JAKMIP2: variants seen among roughly 807,000 people sequenced by gnomAD.
JAKMIP2 encodes the protein janus kinase and microtubule-interacting protein 2.
A neutral mutation model predicts 115.0 loss-of-function variants in JAKMIP2; 25 were observed. That is an observed-to-expected ratio of 0.22 (90% CI 0.16 to 0.30). The LOEUF (loss-of-function observed/expected upper bound fraction) is 0.30, where lower values mean the gene tolerates loss of function less well. Ranked by LOEUF, JAKMIP2 falls within the 10% of genes least tolerant of loss-of-function variation. The pLI, the probability that JAKMIP2 is intolerant of heterozygous loss-of-function variation, is 1.00. For missense variants in JAKMIP2, 642 were observed against 957.6 expected, an observed-to-expected ratio of 0.67 and a Z score of 4.35; for synonymous variants, 334 against 343.6, an observed-to-expected ratio of 0.97 and a Z score of 0.31.
chr5:147,635,812 C>A (rs912905214), intron 12 of JAKMIP2, among the ~76,000 whole-genome samples: 4 of 152,194 alleles, frequency 2.6e-5, no homozygotes, highest in Admixed American at 6.5e-5. Context: ...CCACCCACCT[C>A]GGCCTCCCAA....
rs1487090263 is a variant in JAKMIP2 at position 147,586,091 on chromosome 5, T to C, written c.*5616A>G. On this transcript the variant is annotated 3_prime_UTR_variant, in exon 22 of 22. Coordinates refer to ENST00000616793, the MANE Select transcript of JAKMIP2 (RefSeq NM_001270941.2). ...AGTCAACAATTGGAAATAATAGTAG[T>C]GAACAGAAGGTGGGGTAAGGGAGAG... is the stretch of plus-strand genomic sequence containing the variant. The C allele has an allele frequency of 2.0e-5, 3 of 151,530 alleles. No individual in the cohort carries two copies. The highest frequency in any genetic ancestry group is 7.3e-5 in the African/African-American group (3 of 41,038). 9.4% of individuals were successfully genotyped at this position (151,530 alleles called of 1,614,324 possible). A position where few individuals can be genotyped will look rare whatever the true frequency, so the allele number is the denominator to read the frequency against.
intron 3 of JAKMIP2, among the ~76,000 whole-genome samples, chr5:147,652,417 A>C (rs1473795919): frequency 6.6e-6 from 1 of 152,138 alleles, no homozygotes; most frequent in African/African-American, 2.4e-5. Context: ...ATGAGCATGG[A>C]CTCTGATCTC....
At chr5:147,603,509 A>T (rs1198106562) in intron 20 of JAKMIP2, among the ~76,000 whole-genome samples, 1 of 152,204 alleles carries the variant, frequency 6.6e-6, no homozygotes, top group Admixed American at 6.5e-5. Context: ...ACAAGGGAAG[A>T]ATGAAGAGTA....
intron 1 of JAKMIP2, among the ~76,000 whole-genome samples, chr5:147,702,571 A>G (rs936520915): frequency 1.5e-3 from 188 of 124,714 alleles, no homozygotes; most frequent in African/African-American, 5.1e-3. Context: ...AAAGAAAGAA[A>G]GAAAGAAGGA....
Position 147,639,671 on chromosome 5 carries a change from C to T in JAKMIP2, c.1491G>A (p.Glu497=). 6.2e-7 allele frequency: 1 copy of T among 1,613,900 alleles called. No individual in the cohort carries two copies. Among genetic ancestry groups the T allele is most frequent in the Non-Finnish European group, 8.5e-7 (1 of 1,179,908 alleles). The change falls in exon 10 of 22, where the codon GAG becomes GAA. Residue 497 remains glutamate, a synonymous_variant. Coordinates refer to ENST00000616793, the MANE Select transcript of JAKMIP2 (RefSeq NM_001270941.2). ...ALQRAYALLQ[E]QTGGIIDAER... ...CAGCGTCGATGATGCCTCCCGTCTG[C>T]TCCTGTAGGAGGGCATATGCTCTTT...
chr5:147,705,897 TTGTAG>T (rs1752542553), intron 1 of JAKMIP2, among the ~76,000 whole-genome samples: 1 of 152,198 alleles, frequency 6.6e-6, no homozygotes, highest in Non-Finnish European at 1.5e-5. Flanking sequence ...CACTCCTGTG[TTGTAG>T]TGGGAGTATA....
chr5:147,754,888 T>C (rs1196899825), intron 1 of JAKMIP2, among the ~76,000 whole-genome samples: 1 of 152,166 alleles, frequency 6.6e-6, no homozygotes, highest in African/African-American at 2.4e-5. Context: ...CATAAAATAT[T>C]GTGGTTTGAG....
chr5:147,709,160 C>T (rs546082492), intron 1 of JAKMIP2, among the ~76,000 whole-genome samples: 6 of 152,120 alleles, frequency 3.9e-5, no homozygotes, highest in Non-Finnish European at 5.9e-5. Flanking sequence ...AATAGATTTA[C>T]GGAGCTGTCC....
chr5:147,679,723 A>C (rs1475052806), intron 1 of JAKMIP2, among the ~76,000 whole-genome samples: 1 of 152,190 alleles, frequency 6.6e-6, no homozygotes, highest in Non-Finnish European at 1.5e-5. Flanking sequence ...AAAGAGGTTA[A>C]TTAACTTGCA....
rs568623066 is a variant in JAKMIP2, at chr5:147,699,477, C to A, written c.-148-27523G>T. On this transcript the variant is annotated intron_variant, in intron 1 of 21. Transcript: ENST00000616793. ...TAGAGAGGGACTCTTTAAATAACAG[C>A]AAGACCTCAAGAAAAGAGGGTAGGC... 3.9e-5 allele frequency among the ~76,000 whole-genome samples: 6 copies of A among 151,992 alleles called. No homozygotes were observed. The East Asian group carries it at 7.7e-4, about 20-fold the overall frequency.
intron 3 of JAKMIP2, among the ~76,000 whole-genome samples, chr5:147,651,700 C>T (rs948590488): frequency 1.3e-4 from 19 of 151,978 alleles, no homozygotes; most frequent in African/African-American, 4.6e-4. Flanking sequence ...TGAGCTACTG[C>T]CTGTGAGTCA....
intron 1 of JAKMIP2, among the ~76,000 whole-genome samples, chr5:147,699,118 T>C (rs947232958): frequency 1.3e-5 from 2 of 152,204 alleles, no homozygotes; most frequent in African/African-American, 2.4e-5. Flanking sequence ...TATACACCCA[T>C]CTATTATTAC....
chr5:147,607,469 A>T (rs923593404), intron 20 of JAKMIP2, among the ~76,000 whole-genome samples: 15 of 152,162 alleles, frequency 9.9e-5, no homozygotes, highest in African/African-American at 3.4e-4. Context: ...TATGTGATGG[A>T]TTACGTTTAT....
chr5:147,714,386 C>G (rs1032717712), intron 1 of JAKMIP2, among the ~76,000 whole-genome samples: 14 of 152,076 alleles, frequency 9.2e-5, no homozygotes, highest in African/African-American at 3.4e-4. Context: ...TTAGGTGTAA[C>G]AGAAGAATCA....
intron 1 of JAKMIP2, among the ~76,000 whole-genome samples, chr5:147,701,606 C>T (rs1274643229): frequency 6.6e-6 from 1 of 152,184 alleles, no homozygotes; most frequent in Non-Finnish European, 1.5e-5. Flanking sequence ...TTAGGTCACA[C>T]ACCAGCATGA....
intron 1 of JAKMIP2, among the ~76,000 whole-genome samples, chr5:147,760,025 A>G (rs1167228015): frequency 1.3e-5 from 2 of 152,128 alleles, no homozygotes; most frequent in East Asian, 3.9e-4. Flanking sequence ...AATGAGAGTT[A>G]TAAAGGAAAG....
At chr5:147,782,031 T>C (rs551945397) in intron 1 of JAKMIP2, among the ~76,000 whole-genome samples, 20 of 152,318 alleles carry the variant, frequency 1.3e-4, no homozygotes, top group African/African-American at 4.6e-4. Flanking sequence ...AACCACCTTA[T>C]AATGAGTCTG....
intron 2 of JAKMIP2, among the ~76,000 whole-genome samples, chr5:147,663,360 A>G (rs1759132480): frequency 6.6e-6 from 1 of 152,198 alleles, no homozygotes; most frequent in Admixed American, 6.5e-5. Flanking sequence ...AAGCCAGAAT[A>G]AAGGCAGGGA....
chr5:147,736,118 G>A (rs1237844501), intron 1 of JAKMIP2, among the ~76,000 whole-genome samples: 6 of 152,074 alleles, frequency 3.9e-5, no homozygotes, highest in Non-Finnish European at 8.8e-5. Flanking sequence ...TAATTCTCAA[G>A]AGTTGGGGTT....
Sources: gnomAD v4.1 joint callset for allele counts (sites outside exome capture counted in the v4.1 genomes callset) on GRCh38, gnomAD v4.1.1 for gene constraint, MANE v1.5 for transcripts, NCBI Gene and HGNC (gene_info 2026-07-23, HGNC 2026-07-21) for gene names.